Variants in EYS observed in about 807,000 individuals in gnomAD.
EYS encodes EGF-like photoreceptor maintenance factor, also known as protein eyes shut homolog.
A neutral mutation model predicts 282.1 loss-of-function variants in EYS; 250 were observed. That is an observed-to-expected ratio of 0.89 (90% confidence interval 0.80 to 0.98). The LOEUF is 0.98. Among genes scored for constraint, EYS ranks in the 50% least tolerant of loss-of-function variants. The pLI is 0.00. For synonymous variants in EYS, 1,355 were observed against 1,282.9 expected, an observed-to-expected ratio of 1.06 and a Z score of -1.20; for missense variants, 4,016 against 3,709.0, an observed-to-expected ratio of 1.08 and a Z score of -2.15.
rs1307357225 is a variant in EYS at position 65,270,706 on chromosome 6, A to G, written c.2023+25157T>C. Among the ~76,000 whole-genome samples, 11 of 152,206 alleles carry G rather than the reference A, an allele frequency of 7.2e-5. No homozygotes were observed. In the East Asian group the frequency reaches 2.1e-3, roughly 29 times the overall value. ...GAGAAGTTTCTTCAATTAAATATTA[A>G]TTTTATTGATTGCAACCCCTACCTT... On this transcript the variant is annotated intron_variant, in intron 12 of 42. Coordinates refer to ENST00000503581, the MANE Select transcript of EYS (RefSeq NM_001142800.2).
At chr6:65,706,009 TATAA>T (rs1437457617) in intron 1 of EYS, among the ~76,000 whole-genome samples, 10 of 151,816 alleles carry the variant, frequency 6.6e-5, no homozygotes, top group Non-Finnish European at 1.5e-4. Context: ...GAATTGATAA[TATAA>T]ATATAGTATG....
intron 11 of EYS, among the ~76,000 whole-genome samples, chr6:65,317,907 G>C (rs1769355987): frequency 7.2e-6 from 1 of 139,288 alleles, no homozygotes; most frequent in African/African-American, 2.7e-5. Context: ...TCCCTCTGTT[G>C]CCCAGGCTGG....
chr6:65,146,616 T>C (rs1249353630), intron 12 of EYS, among the ~76,000 whole-genome samples: 4 of 152,008 alleles, frequency 2.6e-5, no homozygotes, highest in Admixed American at 2.0e-4. Context: ...ATTATTATCC[T>C]AGTGTTTTCT....
At chr6:65,092,830 T>A (rs1774614786) in intron 12 of EYS, among the ~76,000 whole-genome samples, 1 of 152,078 alleles carries the variant, frequency 6.6e-6, no homozygotes, top group African/African-American at 2.4e-5. Flanking sequence ...AAGGTTCTTT[T>A]GAGAAACCAT....
At chr6:64,907,561 T>C (rs1328631330) in intron 16 of EYS, among the ~76,000 whole-genome samples, 3 of 152,156 alleles carry the variant, frequency 2.0e-5, no homozygotes, top group Non-Finnish European at 4.4e-5. Flanking sequence ...TTCACAAAAT[T>C]GAAGAAAGAA....
intron 1 of EYS, among the ~76,000 whole-genome samples, chr6:65,663,133 C>T (rs1562315883): frequency 1.3e-5 from 2 of 152,154 alleles, no homozygotes; most frequent in Non-Finnish European, 2.9e-5. Flanking sequence ...GTTTCTTATG[C>T]TCTTATATGC....
intron 26 of EYS, among the ~76,000 whole-genome samples, chr6:64,546,129 A>C (rs929068790): frequency 6.6e-6 from 1 of 152,232 alleles, no homozygotes; most frequent in Non-Finnish European, 1.5e-5. Context: ...CTATACTACA[A>C]GGGTACAGTA....
intron 33 of EYS, among the ~76,000 whole-genome samples, chr6:64,039,946 A>C (rs1024864807): frequency 6.6e-6 from 1 of 152,160 alleles, no homozygotes; most frequent in African/African-American, 2.4e-5. Flanking sequence ...TCCACATTGC[A>C]TACTTAAATA....
chr6:65,505,991 C>A (rs1766639089), intron 2 of EYS, among the ~76,000 whole-genome samples: 1 of 152,080 alleles, frequency 6.6e-6, no homozygotes, highest in African/African-American at 2.4e-5. Flanking sequence ...ATGTATCCAA[C>A]CGTAATGGTG....
At chr6:64,860,994 C>T (rs1445657723) in intron 19 of EYS, among the ~76,000 whole-genome samples, 1 of 152,152 alleles carries the variant, frequency 6.6e-6, no homozygotes, top group Non-Finnish European at 1.5e-5. Flanking sequence ...CCAGAAAAAG[C>T]ACCATGAGTT....
chr6:64,336,767 T>G (rs1268182849), intron 29 of EYS, among the ~76,000 whole-genome samples: 1 of 152,024 alleles, frequency 6.6e-6, no homozygotes, highest in African/African-American at 2.4e-5. Context: ...TGAAATTATA[T>G]GAAGCACTCT....
intron 8 of EYS, among the ~76,000 whole-genome samples, chr6:65,357,274 T>C (rs574445032): frequency 4.7e-4 from 71 of 152,122 alleles, no homozygotes; most frequent in African/African-American, 1.7e-3. Flanking sequence ...CTTAAGAAGA[T>C]TAGTGGTAAC....
chr6:64,365,203 G>T lies in EYS; in HGVS notation c.6078+23487C>A, dbSNP rs1209203370. On this transcript the variant is annotated intron_variant, in intron 29 of 42. Coordinates refer to ENST00000503581, the MANE Select transcript of EYS (RefSeq NM_001142800.2). The stretch of plus-strand genomic sequence containing the variant: ...ATGGCAATAGAAGAATGAGCTACTG[G>T]CTAGCAAATGAGAGAAAAAAGCAGG... Among the ~76,000 whole-genome samples the T allele has an allele frequency of 2.6e-5, 4 of 151,928 alleles. No individual in the cohort carries two copies. The South Asian group carries it at 6.2e-4, about 24-fold the overall frequency.
At chr6:64,317,767 T>G (rs1274658523) in intron 29 of EYS, among the ~76,000 whole-genome samples, 1 of 152,086 alleles carries the variant, frequency 6.6e-6, no homozygotes, top group African/African-American at 2.4e-5. Flanking sequence ...TAGCAAAGAC[T>G]TGGAACCAAC....
At chr6:64,096,396 C>T (rs144918433) in intron 31 of EYS, among the ~76,000 whole-genome samples, 4,627 of 152,284 alleles carry the variant, frequency 0.03, 71 homozygotes, top group Non-Finnish European at 0.046. Context: ...ACCAATCAGA[C>T]GTAGATTTGG....
chr6:63,977,657 T>C (rs1285684847), intron 35 of EYS, among the ~76,000 whole-genome samples: 4 of 151,920 alleles, frequency 2.6e-5, no homozygotes, highest in Non-Finnish European at 4.4e-5. Flanking sequence ...CAGGCAACCA[T>C]GGAGTGGCCC....
At chr6:64,844,399 TACTC>T (rs1440303303) in intron 19 of EYS, among the ~76,000 whole-genome samples, 80 of 151,678 alleles carry the variant, frequency 5.3e-4, no homozygotes, top group African/African-American at 1.7e-3. Flanking sequence ...CAGTGCTTGA[TACTC>T]AATAATGAAT....
intron 12 of EYS, among the ~76,000 whole-genome samples, chr6:65,072,535 C>G (rs553434183): frequency 6.6e-6 from 1 of 151,816 alleles, no homozygotes; most frequent in East Asian, 1.9e-4. Flanking sequence ...GAACAATATT[C>G]TTAAAGTGAA....
chr6:65,456,815 A>G (rs1237352041), intron 5 of EYS, among the ~76,000 whole-genome samples: 1 of 152,154 alleles, frequency 6.6e-6, no homozygotes, highest in Non-Finnish European at 1.5e-5. Context: ...CTAGCCAGTT[A>G]TTAGGCATGA....
Sources: gnomAD v4.1 joint callset for allele counts (sites outside exome capture counted in the v4.1 genomes callset) on GRCh38, gnomAD v4.1.1 for gene constraint, MANE v1.5 for transcripts, NCBI Gene and HGNC (gene_info 2026-07-23, HGNC 2026-07-21) for gene names.